The following TENM3 variants were observed in gnomAD, a reference collection of about 807,000 sequenced individuals.
TENM3 encodes the protein teneurin transmembrane protein 3.
In TENM3, 63 loss-of-function variants were observed where a neutral mutation model predicts 255.1. The ratio of observed to expected loss-of-function variants is 0.25; its 90% confidence interval spans 0.20 to 0.30. The LOEUF (loss-of-function observed/expected upper bound fraction) is 0.30. Among genes scored for constraint, TENM3 ranks in the 10% least tolerant of loss-of-function variants. The pLI is 1.00. For missense variants in TENM3, 2,929 were observed against 3,461.1 expected (o/e 0.85, Z 3.86); for synonymous variants, 1,306 against 1,322.3 (o/e 0.99, Z 0.27).
At chr4:182,202,624 C>G (rs1424194421) in intron 1 of TENM3, among the ~76,000 whole-genome samples, 3 of 151,940 alleles carry the variant, frequency 2.0e-5, no homozygotes, top group Non-Finnish European at 4.4e-5. Flanking sequence ...CTTTTTAATC[C>G]CAGGTCCAAT....
At chr4:182,322,991 G>T (rs1419165170) in intron 1 of TENM3, among the ~76,000 whole-genome samples, 10 of 152,058 alleles carry the variant, frequency 6.6e-5, no homozygotes, top group Admixed American at 6.6e-4. Context: ...AAAGCCTTCG[G>T]GGTCCTTCAG....
At chr4:182,560,486 A>T (rs1250983616) in intron 3 of TENM3, among the ~76,000 whole-genome samples, 1 of 152,228 alleles carries the variant, frequency 6.6e-6, no homozygotes, top group East Asian at 1.9e-4. Context: ...CAGCAGAAGC[A>T]ACAGTGAAGC....
At chr4:181,600,750 C>T in the TENM3 span, among the ~76,000 whole-genome samples, 4 of 151,686 alleles carry the variant, frequency 2.6e-5, no homozygotes, top group South Asian at 6.3e-4. Context: ...AGGCATCCTT[C>T]GACTTGTGAT....
chr4:182,432,040 G>A (rs1055102061), intron 3 of TENM3, among the ~76,000 whole-genome samples: 3 of 148,708 alleles, frequency 2.0e-5, no homozygotes, highest in Non-Finnish European at 4.4e-5. Context: ...CCGAGATCGC[G>A]CTACTGCACT....
chr4:181,483,462 C>A, the TENM3 span, among the ~76,000 whole-genome samples: 7 of 152,128 alleles, frequency 4.6e-5, no homozygotes, highest in East Asian at 1.4e-3. Flanking sequence ...GACTCATCTG[C>A]AAGTCTTAGA....
the TENM3 span, among the ~76,000 whole-genome samples, chr4:182,004,830 G>A: frequency 0.029 from 4,425 of 152,286 alleles, 200 homozygotes; most frequent in African/African-American, 0.1. Context: ...GATCAGTGAT[G>A]TTGAGTTTTT....
chr4:181,711,612 C>G, the TENM3 span, among the ~76,000 whole-genome samples: 1 of 152,104 alleles, frequency 6.6e-6, no homozygotes, highest in Non-Finnish European at 1.5e-5. Flanking sequence ...ATGGAAGACC[C>G]CTACCTTGTG....
At chr4:182,046,385 G>A in the TENM3 span, among the ~76,000 whole-genome samples, 2 of 151,870 alleles carry the variant, frequency 1.3e-5, no homozygotes, top group Admixed American at 6.6e-5. Context: ...ATCTACTAAG[G>A]TATCTGTAAA....
chr4:181,689,678 A>G, the TENM3 span, among the ~76,000 whole-genome samples: 1 of 152,124 alleles, frequency 6.6e-6, no homozygotes, highest in Non-Finnish European at 1.5e-5. Context: ...TTTTTCTTTC[A>G]GCCTTTCACT....
chr4:181,848,172 G>A, the TENM3 span, among the ~76,000 whole-genome samples: 43 of 152,192 alleles, frequency 2.8e-4, no homozygotes, highest in African/African-American at 1.4e-4. Flanking sequence ...AAACTGAAGC[G>A]AATTAAGAAA....
chr4:182,445,610 T>A (rs1772850545), intron 3 of TENM3, among the ~76,000 whole-genome samples: 1 of 149,292 alleles, frequency 6.7e-6, no homozygotes, highest in Non-Finnish European at 1.5e-5. Context: ...GTGGACTTTT[T>A]ATTTTTTTTT....
At chr4:181,902,380 T>C in the TENM3 span, among the ~76,000 whole-genome samples, 19 of 152,182 alleles carry the variant, frequency 1.2e-4, no homozygotes, top group African/African-American at 4.6e-4. Flanking sequence ...TTTGTCAATT[T>C]TGGCTTTTGT....
chr4:182,275,206 T>G (rs951612640), intron 1 of TENM3, among the ~76,000 whole-genome samples: 1 of 152,230 alleles, frequency 6.6e-6, no homozygotes, highest in Non-Finnish European at 1.5e-5. Context: ...TCCTCCTGTG[T>G]GCTGGCTCTC....
chr4:182,766,185 T>C (rs1430236398), intron 22 of TENM3, among the ~76,000 whole-genome samples: 2 of 152,108 alleles, frequency 1.3e-5, no homozygotes, highest in Admixed American at 1.3e-4. Flanking sequence ...GTTTGTCCTC[T>C]GAGCACTTCC....
chr4:182,630,027 C>T (rs190563536), intron 5 of TENM3, among the ~76,000 whole-genome samples: 79 of 152,278 alleles, frequency 5.2e-4, no homozygotes, highest in Non-Finnish European at 9.0e-4. Context: ...TAATGATTCA[C>T]AGCACTTTCT....
At chr4:182,724,042 A>G (rs764766604) in intron 13 of TENM3, among the ~76,000 whole-genome samples, 11 of 152,240 alleles carry the variant, frequency 7.2e-5, no homozygotes, top group Non-Finnish European at 1.5e-4. Flanking sequence ...AGGGAAGCAT[A>G]AACAGTATGA....
chr4:181,576,811 C>CTTTTTTTTTTTTTTTTTTTTTT, the TENM3 span, among the ~76,000 whole-genome samples: 4 of 123,982 alleles, frequency 3.2e-5, no homozygotes, highest in South Asian at 2.6e-4. Flanking sequence ...TCTTTCTTTT[C>CTTTTTTTTTTTTTTTTTTTTTT]TTTTTTTTTT....
chr4:181,725,152 C>T, the TENM3 span, among the ~76,000 whole-genome samples: 1 of 152,174 alleles, frequency 6.6e-6, no homozygotes, highest in East Asian at 1.9e-4. Flanking sequence ...CGTTCAGCAT[C>T]CCTGGGCCTA....
chr4:181,661,526 G>A, the TENM3 span, among the ~76,000 whole-genome samples: 1 of 152,100 alleles, frequency 6.6e-6, no homozygotes, highest in Non-Finnish European at 1.5e-5. Flanking sequence ...CTAATATCTA[G>A]AGCAAAGCTG....
Sources: gnomAD v4.1 joint callset for allele counts (sites outside exome capture counted in the v4.1 genomes callset) on GRCh38, gnomAD v4.1.1 for gene constraint, MANE v1.5 for transcripts, NCBI Gene and HGNC (gene_info 2026-07-23, HGNC 2026-07-21) for gene names.